Variants in TERT observed in about 807,000 individuals in gnomAD.
TERT encodes the protein telomerase reverse transcriptase.
In TERT, 42 loss-of-function variants were observed where a neutral mutation model predicts 104.0. The ratio of observed to expected loss-of-function variants is 0.40; its 90% confidence interval spans 0.32 to 0.52. The LOEUF is 0.52. Ranked by LOEUF, TERT falls within the 20% of genes least tolerant of loss-of-function variation. The pLI is 0.43. For synonymous variants in TERT, 781 were observed against 725.6 expected, an observed-to-expected ratio of 1.08 and a Z score of -1.23; for missense variants, 1,101 against 1,610.3, an observed-to-expected ratio of 0.68 and a Z score of 5.41.
rs1045125074 is a variant in TERT, at chr5:1,256,554, C to T, written c.3033-1143G>A. ...GAGCCCCCCGTGTACCTCATCTCACCCACTGCCTGAGCCCCCCATGTACCT... is the reference window on the plus strand; with the variant it reads ...GAGCCCCCCGTGTACCTCATCTCACTCACTGCCTGAGCCCCCCATGTACCT... On this transcript the variant is annotated intron_variant, in intron 13 of 15. Coordinates refer to ENST00000310581, the MANE Select transcript of TERT (RefSeq NM_198253.3). The surrounding 1 kb of genome is among the most constrained non-coding windows in gnomAD (Gnocchi z 7.0). Among the ~76,000 whole-genome samples the T allele has an allele frequency of 4.0e-5, 6 of 149,820 alleles. No homozygotes were observed. The highest frequency in any genetic ancestry group is 2.7e-4 in the Admixed American group (4 of 14,896).
At chr5:1,284,605 C>G (rs1167449371) in intron 2 of TERT, among the ~76,000 whole-genome samples, 1 of 149,746 alleles carries the variant, frequency 6.7e-6, no homozygotes, top group Non-Finnish European at 1.5e-5. Context: ...CACTGCACAT[C>G]CAGCTCACCG....
chr5:1,263,850 A>T lies in TERT; in HGVS notation c.2843+554T>A, dbSNP rs1003559446. ...AACAAGACCCCAGAATTTTGTAGAG[A>T]CCCCCCCCACACCATGGCCCTGTCC... is the stretch of plus-strand genomic sequence containing the variant. On this transcript the variant is annotated intron_variant, in intron 11 of 15. Transcript: ENST00000310581. The surrounding 1 kb of genome is among the most constrained non-coding windows in gnomAD (Gnocchi z 5.3). Among the ~76,000 whole-genome samples, 1 of 151,166 alleles carries T rather than the reference A, an allele frequency of 6.6e-6. No homozygotes were observed. The highest frequency in any genetic ancestry group is 2.4e-5 in the African/African-American group (1 of 41,020).
chr5:1,258,490 T>C, intron 13 of TERT, 108 bp downstream of exon 13: 3 of 992,554 alleles, frequency 3.0e-6, no homozygotes, highest in Non-Finnish European at 3.1e-6. Flanking sequence ...CGTAAGACAT[T>C]CCTTGCCCCT....
chr5:1,287,497 C>CAAAA lies in TERT; in HGVS notation c.1574-4877_1574-4874dup, dbSNP rs11291391. 7.3e-6 allele frequency among the ~76,000 whole-genome samples: 1 copy of CAAAA among 136,096 alleles called. No homozygotes were observed. The highest frequency in any genetic ancestry group is 2.8e-5 in the African/African-American group (1 of 36,132). 89.3% of individuals were successfully genotyped at this position (136,096 alleles called of 152,430 possible). ...TGGGCGACAGACCAAGACTCTGTCTCAAAAAAAAAAAATATATATATATAT... is the reference window on the plus strand; with the variant it reads ...TGGGCGACAGACCAAGACTCTGTCTCAAAAAAAAAAAAAAAATATATATATATAT... On this transcript the variant is annotated intron_variant, in intron 2 of 15. Transcript: ENST00000310581. The surrounding 1 kb of genome is among the most constrained non-coding windows in gnomAD (Gnocchi z 4.3).
chr5:1,259,649 G>A (rs1442305506), intron 12 of TERT, among the ~76,000 whole-genome samples: 1 of 144,872 alleles, frequency 6.9e-6, no homozygotes, highest in South Asian at 2.3e-4. Context: ...AGGAGAGAGG[G>A]AGTGGACGCA....
chr5:1,292,497 C>T lies in TERT; in HGVS notation c.1573+816G>A, dbSNP rs1751056069. ...TCTTATCTCCCTCCCTCTACCCTGTCCTGGCACAATCAACGAACACTTTTT... is the reference window on the plus strand; with the variant it reads ...TCTTATCTCCCTCCCTCTACCCTGTTCTGGCACAATCAACGAACACTTTTT... On this transcript the variant is annotated intron_variant, in intron 2 of 15. Coordinates refer to ENST00000310581, the MANE Select transcript of TERT (RefSeq NM_198253.3). This position sits in a 1 kb window ranked among gnomAD's most constrained non-coding sequence, Gnocchi z 5.5. Among the ~76,000 whole-genome samples the T allele has an allele frequency of 6.7e-6, 1 of 150,170 alleles. No individual in the cohort carries two copies. Among genetic ancestry groups the T allele is most frequent in the Non-Finnish European group, 1.5e-5 (1 of 67,694 alleles).
intron 9 of TERT, among the ~76,000 whole-genome samples, chr5:1,266,739 T>C (rs929898664): frequency 2.0e-4 from 30 of 152,254 alleles, no homozygotes; most frequent in African/African-American, 7.2e-4. Flanking sequence ...TCATTATAAG[T>C]ACTCAGTGTT....
rs2126592882 is a variant in TERT at position 1,263,772 on chromosome 5, AT to A, written c.2843+631del. ...ATTTCTGCATCTGTGTCCATCTTCAATTCATTTGTGTCTGAGCCTGAGACGG... is the reference window on the plus strand; with the variant it reads ...ATTTCTGCATCTGTGTCCATCTTCAATCATTTGTGTCTGAGCCTGAGACGG... On this transcript the variant is annotated intron_variant, in intron 11 of 15. Coordinates refer to ENST00000310581, the MANE Select transcript of TERT (RefSeq NM_198253.3). This position sits in a 1 kb window ranked among gnomAD's most constrained non-coding sequence, Gnocchi z 5.3. Among the ~76,000 whole-genome samples, 1 of 152,318 alleles carries A rather than the reference AT, an allele frequency of 6.6e-6. No individual in the cohort carries two copies. The highest frequency in any genetic ancestry group is 1.9e-4 in the East Asian group (1 of 5,190).
In TERT at chr5:1,259,601, A is replaced by G. The variant is rs1359256997; in HGVS notation, c.2970+873T>C. Among the ~76,000 whole-genome samples the G allele has an allele frequency of 1.2e-4, 15 of 126,184 alleles. 1 individual carries two copies. The highest frequency in any genetic ancestry group is 5.7e-4 in the Admixed American group (7 of 12,356). The allele number at this position is 126,184 out of a possible 152,430, so 82.8% of individuals were successfully genotyped here. ...CCCACAGGAGAGGGAGTGGACATGGATGCCCACAGGAGAGGGGGAGTGGAC... is the reference window on the plus strand; with the variant it reads ...CCCACAGGAGAGGGAGTGGACATGGGTGCCCACAGGAGAGGGGGAGTGGAC... On this transcript the variant is annotated intron_variant, in intron 12 of 15. Coordinates refer to ENST00000310581, the MANE Select transcript of TERT (RefSeq NM_198253.3).
Position 1,266,556 on chromosome 5 carries a change from C to T in TERT, c.2583-21G>A, listed in dbSNP as rs374783579. 1.0e-5 allele frequency: 16 copies of T among 1,590,266 alleles called. No homozygotes were observed. In the African/African-American group the frequency reaches 1.7e-4, roughly 17 times the overall value. ...GCAGCCTAAAATAAGGGAAAATACA[C>T]AGCAAGGTTAACTTTACACTTTTTA... On this transcript the variant is annotated intron_variant, in intron 9 of 15. Transcript: ENST00000310581.
rs373488315 is a variant in TERT at position 1,271,209 on chromosome 5, G to A, written c.2383-5C>T. On this transcript the variant is annotated splice_polypyrimidine_tract_variant and splice_region_variant and intron_variant, in intron 7 of 15. Transcript: ENST00000310581. ...GGCCTCATTCAGGGAGGAGCTCTGC[G>A]AAAGCAGACGGGAGACACATGGGAG... is the stretch of plus-strand genomic sequence containing the variant. The A allele has an allele frequency of 3.4e-5, 54 of 1,609,632 alleles. No homozygotes were observed. The highest frequency in any genetic ancestry group is 3.6e-5 in the Non-Finnish European group (42 of 1,177,294).
rs113488319 is a variant in TERT at position 1,272,525 on chromosome 5, A to G, written c.2287-245T>C. Among the ~76,000 whole-genome samples, 625 of 135,888 alleles carry G rather than the reference A, an allele frequency of 4.6e-3. 8 individuals carry two copies. Among genetic ancestry groups the G allele is most frequent in the African/African-American group, 0.018 (590 of 32,534 alleles). 89.1% of individuals were successfully genotyped at this position (135,888 alleles called of 152,430 possible). A position where few individuals can be genotyped will look rare whatever the true frequency, so the allele number is the denominator to read the frequency against. On this transcript the variant is annotated intron_variant, in intron 6 of 15. Transcript: ENST00000310581. ...ACACATCAGACCCCTGTGACCGATCACCATCCACAGTCACCACATCAGACC... is the reference window on the plus strand; with the variant it reads ...ACACATCAGACCCCTGTGACCGATCGCCATCCACAGTCACCACATCAGACC...
Position 1,287,820 on chromosome 5 carries a change from A to G in TERT, c.1574-5196T>C, listed in dbSNP as rs573888215. Among the ~76,000 whole-genome samples the G allele has an allele frequency of 2.0e-5, 3 of 152,084 alleles. No homozygotes were observed. The highest frequency in any genetic ancestry group is 4.4e-5 in the Non-Finnish European group (3 of 68,018). ...GAAGGAGACAGAAGCTTTGCACTGG[A>G]CCTTAATAAGCTGGATATAGTGAAC... On this transcript the variant is annotated intron_variant, in intron 2 of 15. Transcript: ENST00000310581. The surrounding 1 kb of genome is among the most constrained non-coding windows in gnomAD (Gnocchi z 4.3).
Position 1,269,871 on chromosome 5 carries a change from G to C in TERT, c.2469-1238C>G, listed in dbSNP as rs369419102. Among the ~76,000 whole-genome samples the C allele has an allele frequency of 2.0e-5, 3 of 152,174 alleles. No individual in the cohort carries two copies. Among genetic ancestry groups the C allele is most frequent in the African/African-American group, 4.8e-5 (2 of 41,424 alleles). On this transcript the variant is annotated intron_variant, in intron 8 of 15. Coordinates refer to ENST00000310581, the MANE Select transcript of TERT (RefSeq NM_198253.3). This position sits in a 1 kb window ranked among gnomAD's most constrained non-coding sequence, Gnocchi z 9.0. The stretch of plus-strand genomic sequence containing the variant: ...CCAAACTGGACCACGATGGGGACTA[G>C]AGCTTCGGGCCTGTCCGTGTCCTAG...
chr5:1,254,715 G>T (rs181329212), intron 14 of TERT, among the ~76,000 whole-genome samples: 38 of 152,356 alleles, frequency 2.5e-4, no homozygotes, highest in Non-Finnish European at 4.7e-4. Flanking sequence ...AGTAGAAGCT[G>T]TTAAGCTCAG....
rs1220889224 is a variant in TERT, at chr5:1,265,712, A to G, written c.2654+752T>C. Among the ~76,000 whole-genome samples, 1 of 152,126 alleles carries G rather than the reference A, an allele frequency of 6.6e-6. No individual in the cohort carries two copies. Among genetic ancestry groups the G allele is most frequent in the Non-Finnish European group, 1.5e-5 (1 of 68,004 alleles). The stretch of plus-strand genomic sequence containing the variant: ...AAATGGGTTTTCACAAACACAGCCC[A>G]GCAAAGCACCTGAAACCACCCCTGG... On this transcript the variant is annotated intron_variant, in intron 10 of 15. Transcript: ENST00000310581. The surrounding 1 kb of genome is among the most constrained non-coding windows in gnomAD (Gnocchi z 6.9).
Position 1,269,475 on chromosome 5 carries a change from G to C in TERT, c.2469-842C>G, listed in dbSNP as rs972026940. 3.3e-5 allele frequency among the ~76,000 whole-genome samples: 5 copies of C among 152,074 alleles called. No individual in the cohort carries two copies. Among genetic ancestry groups the C allele is most frequent in the East Asian group, 1.9e-4 (1 of 5,192 alleles). On this transcript the variant is annotated intron_variant, in intron 8 of 15. Coordinates refer to ENST00000310581, the MANE Select transcript of TERT (RefSeq NM_198253.3). This position sits in a 1 kb window ranked among gnomAD's most constrained non-coding sequence, Gnocchi z 9.0. ...AAATACAAAAATTAGCCAGGCGCAG[G>C]GGGTGGGTGCCTGTAATCTCAGCTG... is the stretch of plus-strand genomic sequence containing the variant.
At chr5:1,284,392 C>A (rs11960793) in intron 2 of TERT, among the ~76,000 whole-genome samples, 1 of 64,916 alleles carries the variant, frequency 1.5e-5, no homozygotes, top group Non-Finnish European at 3.3e-5. Flanking sequence ...GAGACCTCAC[C>A]CCTGACCTGC....
chr5:1,260,332 T>G (rs1748133452), intron 12 of TERT, 142 bp downstream of exon 12: 6 of 1,312,784 alleles, frequency 4.6e-6, no homozygotes, highest in Non-Finnish European at 6.5e-6. Context: ...ATGTATGTGC[T>G]CACGTGTATA....
Sources: allele counts gnomAD v4.1 joint callset (sites outside exome capture counted in the v4.1 genomes callset), GRCh38; gene constraint gnomAD v4.1.1; non-coding constraint Gnocchi (gnomAD v3.1); transcripts MANE v1.5; gene names NCBI Gene and HGNC (gene_info 2026-07-23, HGNC 2026-07-21).